Variants in ADGRL3 observed in about 807,000 individuals in gnomAD.
The protein encoded by ADGRL3 is adhesion G protein-coupled receptor L3, also known as calcium-independent alpha-latrotoxin receptor 3.
In ADGRL3, 62 loss-of-function variants were observed where a neutral mutation model predicts 153.5. The ratio of observed to expected loss-of-function variants is 0.40; its 90% CI spans 0.33 to 0.50. ADGRL3 has a LOEUF of 0.50. ADGRL3 is among the 20% of genes least tolerant of loss of function. The pLI, the probability that ADGRL3 is intolerant of heterozygous loss-of-function variation, is 0.47. For missense variants in ADGRL3, 1,641 were observed against 1,859.4 expected (o/e 0.88, Z 2.16); for synonymous variants, 710 against 672.5 (o/e 1.06, Z -0.86).
chr4:61,425,642 C>G (rs1330174023), intron 2 of ADGRL3, among the ~76,000 whole-genome samples: 1 of 152,230 alleles, frequency 6.6e-6, no homozygotes, highest in Non-Finnish European at 1.5e-5. Context: ...CCCCATGGTT[C>G]CTTTGGGTCC....
At chr4:61,676,966 G>A (rs1177021931) in intron 6 of ADGRL3, 31 bp downstream of exon 6, 2 of 1,357,724 alleles carry the variant, frequency 1.5e-6, no homozygotes, top group African/African-American at 2.9e-5. Context: ...TTCTTGGCAA[G>A]AGAAAAGATA....
intron 6 of ADGRL3, 30 bp from the exon 7 acceptor site, chr4:61,730,591 CT>C: frequency 4.0e-6 from 2 of 496,182 alleles, no homozygotes; most frequent in Non-Finnish European, 3.6e-6. Context: ...CTCTTTTCTC[CT>C]TTCTCTCTTT....
At chr4:61,805,684 T>C (rs1038201658) in intron 8 of ADGRL3, among the ~76,000 whole-genome samples, 6 of 152,182 alleles carry the variant, frequency 3.9e-5, no homozygotes, top group African/African-American at 1.4e-4. Flanking sequence ...TTTCATATTA[T>C]AGTTTACTAT....
At chr4:61,345,846 G>A (rs1014421745) in intron 1 of ADGRL3, among the ~76,000 whole-genome samples, 1 of 152,116 alleles carries the variant, frequency 6.6e-6, no homozygotes, top group African/African-American at 2.4e-5. Context: ...AACTGGTCTA[G>A]ACAGTCTATA....
intron 8 of ADGRL3, among the ~76,000 whole-genome samples, chr4:61,759,209 A>G (rs2096877544): frequency 6.6e-6 from 1 of 151,916 alleles, no homozygotes; most frequent in African/African-American, 2.4e-5. Context: ...CTGTATTTGA[A>G]TGTTGGCCTG....
intron 4 of ADGRL3, among the ~76,000 whole-genome samples, chr4:61,557,789 GT>G (rs113148719): frequency 4.3e-4 from 62 of 144,118 alleles, no homozygotes; most frequent in African/African-American, 8.1e-4. Context: ...GGGTTTCAGT[GT>G]TTTTTTTTTT....
chr4:61,738,777 G>C (rs2096549018), intron 8 of ADGRL3, among the ~76,000 whole-genome samples: 1 of 151,946 alleles, frequency 6.6e-6, no homozygotes, highest in African/African-American at 2.4e-5. Flanking sequence ...CTTGAGAAAT[G>C]GTACAATCTG....
intron 2 of ADGRL3, among the ~76,000 whole-genome samples, chr4:61,487,121 A>C (rs1033838613): frequency 2.0e-5 from 3 of 152,212 alleles, no homozygotes; most frequent in African/African-American, 7.2e-5. Context: ...AGCTCCTCAC[A>C]TAAGCTCCTT....
intron 25 of ADGRL3, among the ~76,000 whole-genome samples, chr4:62,061,684 C>T (rs1004085057): frequency 2.6e-5 from 4 of 151,982 alleles, no homozygotes; most frequent in Non-Finnish European, 4.4e-5. Flanking sequence ...ATTTCAAGAA[C>T]ATTACACGTA....
At chr4:61,234,537 G>T (rs894615458) in intron 1 of ADGRL3, among the ~76,000 whole-genome samples, 1 of 152,166 alleles carries the variant, frequency 6.6e-6, no homozygotes, top group Non-Finnish European at 1.5e-5. Context: ...GAAGCAGAAA[G>T]AATGGGCATA....
At chr4:61,474,629 G>A (rs548145565) in intron 2 of ADGRL3, among the ~76,000 whole-genome samples, 1 of 151,976 alleles carries the variant, frequency 6.6e-6, no homozygotes, top group Non-Finnish European at 1.5e-5. Context: ...TAACAAGAAA[G>A]ACAAATATGA....
intron 1 of ADGRL3, among the ~76,000 whole-genome samples, chr4:61,270,803 C>G (rs960135267): frequency 1.3e-5 from 2 of 151,606 alleles, no homozygotes; most frequent in Non-Finnish European, 3.0e-5. Flanking sequence ...CTTTACTGAT[C>G]AGTTTTTGCA....
intron 8 of ADGRL3, among the ~76,000 whole-genome samples, chr4:61,778,979 A>ACACAGGAAG (rs796096695): frequency 7.4e-4 from 113 of 152,140 alleles, no homozygotes; most frequent in African/African-American, 2.4e-3. Context: ...AACCGCTTGA[A>ACACAGGAAG]CACAGGAAGC....
At chr4:61,248,805 T>C (rs1048083419) in intron 1 of ADGRL3, among the ~76,000 whole-genome samples, 2 of 152,192 alleles carry the variant, frequency 1.3e-5, no homozygotes, top group African/African-American at 2.4e-5. Context: ...ACCAGGCTTC[T>C]GGACTGAAAG....
chr4:61,299,096 T>C (rs2094501609), intron 1 of ADGRL3, among the ~76,000 whole-genome samples: 1 of 152,158 alleles, frequency 6.6e-6, no homozygotes, highest in Admixed American at 6.5e-5. Context: ...TTAGAAAATA[T>C]TTTAAATTTC....
intron 2 of ADGRL3, among the ~76,000 whole-genome samples, chr4:61,404,651 AC>A (rs969315511): frequency 7.8e-4 from 119 of 152,168 alleles, no homozygotes; most frequent in African/African-American, 2.8e-3. Context: ...AAAAATTACC[AC>A]CCTGAATAAA....
At chr4:61,417,576 A>G (rs1286798032) in intron 2 of ADGRL3, among the ~76,000 whole-genome samples, 5 of 144,966 alleles carry the variant, frequency 3.4e-5, no homozygotes, top group African/African-American at 5.0e-5. Flanking sequence ...ACTGGTTTCG[A>G]AAAAAAAAAA....
At chr4:62,022,500 A>G (rs897565526) in intron 21 of ADGRL3, among the ~76,000 whole-genome samples, 1 of 152,182 alleles carries the variant, frequency 6.6e-6, no homozygotes, top group Non-Finnish European at 1.5e-5. Flanking sequence ...ACAGCCTTCT[A>G]TTGGAACAAG....
intron 1 of ADGRL3, among the ~76,000 whole-genome samples, chr4:61,353,270 TTA>T (rs1288284450): frequency 6.6e-6 from 1 of 152,190 alleles, no homozygotes; most frequent in African/African-American, 2.4e-5. Flanking sequence ...CTATATATAG[TTA>T]TATAATGTGT....
Sources: gnomAD v4.1 joint callset for allele counts (sites outside exome capture counted in the v4.1 genomes callset) on GRCh38, gnomAD v4.1.1 for gene constraint, MANE v1.5 for transcripts, NCBI Gene and HGNC (gene_info 2026-07-23, HGNC 2026-07-21) for gene names.